The following CFAP58 variants were observed in gnomAD, a reference collection of about 807,000 sequenced individuals.
CFAP58 encodes the protein cilia- and flagella-associated protein 58.
In CFAP58, 88 loss-of-function variants were observed where a neutral mutation model predicts 119.5. The observed-to-expected ratio is 0.74, with a 90% confidence interval of 0.62 to 0.88. The LOEUF (loss-of-function observed/expected upper bound fraction) is 0.88, where lower values mean the gene tolerates loss of function less well. CFAP58 is among the 40% of genes least tolerant of loss of function. The probability of loss-of-function intolerance (pLI) is 0.00; values close to 1 mark genes in which losing one functional copy is unlikely to be tolerated. For missense variants in CFAP58, 990 were observed against 1,021.2 expected, an observed-to-expected ratio of 0.97 and a Z score of 0.42; for synonymous variants, 365 against 366.3, an observed-to-expected ratio of 1.00 and a Z score of 0.04.
At position 104,400,780 on chromosome 10, in the gene CFAP58, A is replaced by G. The variant is rs995458634; in HGVS notation, c.1916A>G (p.Asn639Ser). The change falls in exon 13 of 18, where the codon AAT (asparagine) becomes AGT (serine). Residue 639 changes from asparagine to serine, a missense_variant. Transcript: ENST00000369704. ...EKIKIQQSVL[N>S]KGESQYNQRL... ...ATCAAGATCCAACAGTCTGTGCTGA[A>G]TAAAGGGGAGAGCCAGTACAACCAG... 2.5e-6 allele frequency: 4 copies of G among 1,614,056 alleles called. No homozygotes were observed. Among genetic ancestry groups the G allele is most frequent in the Non-Finnish European group, 2.5e-6 (3 of 1,180,018 alleles).
At position 104,366,117 on chromosome 10, in the gene CFAP58, A is replaced by G. The variant is rs1030706217; in HGVS notation, c.792+109A>G. 4 of 984,166 alleles carry G rather than the reference A, an allele frequency of 4.1e-6. No homozygotes were observed. The African/African-American group carries it at 5.0e-5, about 12-fold the overall frequency. 61.0% of individuals were successfully genotyped at this position (984,166 alleles called of 1,614,324 possible). On this transcript the variant is annotated intron_variant, in intron 5 of 17. Coordinates refer to ENST00000369704, the MANE Select transcript of CFAP58 (RefSeq NM_001008723.2). ...TCTTGGAAAGCAGCAAATTCCCTTC[A>G]CTACTCGTGCTGATGATGTAAAACT...
chr10:104,388,409 T>C (rs1034059844), intron 9 of CFAP58, among the ~76,000 whole-genome samples: 2 of 152,110 alleles, frequency 1.3e-5, no homozygotes, highest in African/African-American at 2.4e-5. Flanking sequence ...TATTATTATA[T>C]CCCCCATTCA....
chr10:104,369,374 A>G (rs2014793607), intron 6 of CFAP58, among the ~76,000 whole-genome samples: 1 of 152,188 alleles, frequency 6.6e-6, no homozygotes, highest in Non-Finnish European at 1.5e-5. Flanking sequence ...GAAATAGGAG[A>G]GGTTTCCAGG....
intron 1 of CFAP58, among the ~76,000 whole-genome samples, chr10:104,357,404 A>C (rs2014556722): frequency 6.6e-6 from 1 of 152,196 alleles, no homozygotes; most frequent in Admixed American, 6.5e-5. Context: ...AGATAAGTGC[A>C]TATTTCAGGT....
chr10:104,403,888 T>C (rs891467031), intron 14 of CFAP58, 48 bp downstream of exon 14: 3 of 1,220,284 alleles, frequency 2.5e-6, no homozygotes, highest in Admixed American at 4.0e-5. Context: ...TCTCCTCCTA[T>C]CCCACGCGAA....
At chr10:104,427,418 A>G (rs1306492143) in intron 15 of CFAP58, among the ~76,000 whole-genome samples, 1 of 151,836 alleles carries the variant, frequency 6.6e-6, no homozygotes, top group African/African-American at 2.4e-5. Flanking sequence ...CAATTTATAA[A>G]TTTTTTTTTC....
chr10:104,396,759 ACCTCAGGTC>A (rs1450224304), intron 11 of CFAP58, among the ~76,000 whole-genome samples: 1 of 152,060 alleles, frequency 6.6e-6, no homozygotes, highest in Non-Finnish European at 1.5e-5. Context: ...AGGTGCAGAA[ACCTCAGGTC>A]CCACCTAGGG....
intron 2 of CFAP58, among the ~76,000 whole-genome samples, chr10:104,360,040 C>T (rs1013620638): frequency 1.3e-5 from 2 of 152,048 alleles, no homozygotes; most frequent in East Asian, 3.8e-4. Context: ...CTATAGTTAC[C>T]CAAGAGTAAT....
intron 9 of CFAP58, among the ~76,000 whole-genome samples, chr10:104,389,855 A>T (rs2011998138): frequency 6.6e-6 from 1 of 152,178 alleles, no homozygotes; most frequent in African/African-American, 2.4e-5. Context: ...AAAGAACTAA[A>T]AAGAAAGATA....
intron 15 of CFAP58, among the ~76,000 whole-genome samples, chr10:104,440,119 G>A (rs1267963391): frequency 2.0e-5 from 3 of 148,052 alleles, no homozygotes; most frequent in Admixed American, 6.6e-5. Flanking sequence ...ACCGCGCCCG[G>A]CCACTGATTT....
chr10:104,345,670 G>A, the CFAP58 span, among the ~76,000 whole-genome samples: 3 of 152,086 alleles, frequency 2.0e-5, no homozygotes, highest in Non-Finnish European at 4.4e-5. Flanking sequence ...GACAGAAGAT[G>A]CTCAGTCTTT....
chr10:104,425,958 G>A lies in CFAP58; in HGVS notation c.2256+19165G>A, dbSNP rs577540013. Among the ~76,000 whole-genome samples the A allele has an allele frequency of 2.0e-5, 3 of 152,224 alleles. 1 individual carries two copies. The highest frequency in any genetic ancestry group is 7.2e-5 in the African/African-American group (3 of 41,532). On this transcript the variant is annotated intron_variant, in intron 15 of 17. Coordinates refer to ENST00000369704, the MANE Select transcript of CFAP58 (RefSeq NM_001008723.2). ...ATCTTAAAAAGACCAACATAGACTG[G>A]GTGCTGGCTCATGCCTATAATCCCA...
At chr10:104,444,516 G>A (rs754877288) in intron 15 of CFAP58, among the ~76,000 whole-genome samples, 1 of 152,198 alleles carries the variant, frequency 6.6e-6, no homozygotes, top group Non-Finnish European at 1.5e-5. Flanking sequence ...TGAAGAGCTT[G>A]GTTGGCCCTT....
chr10:104,340,185 T>C, the CFAP58 span, among the ~76,000 whole-genome samples: 1 of 152,362 alleles, frequency 6.6e-6, no homozygotes, highest in Admixed American at 6.5e-5. Context: ...AAGTCGTTCA[T>C]GAACTGGCCT....
intron 11 of CFAP58, among the ~76,000 whole-genome samples, chr10:104,394,978 G>A (rs1049810523): frequency 1.3e-5 from 2 of 152,148 alleles, no homozygotes; most frequent in African/African-American, 4.8e-5. Flanking sequence ...AATCCATTTG[G>A]TGCATCATCT....
intron 11 of CFAP58, among the ~76,000 whole-genome samples, chr10:104,399,078 C>A (rs144826975): frequency 9.6e-4 from 146 of 152,120 alleles, no homozygotes; most frequent in African/African-American, 3.4e-3. Context: ...ACCAATGAAG[C>A]CCCTGCTACA....
chr10:104,377,034 C>T, intron 8 of CFAP58, 141 bp downstream of exon 8: 1 of 591,562 alleles, frequency 1.7e-6, no homozygotes, highest in Non-Finnish European at 3.0e-6. Flanking sequence ...TAATTTTCCT[C>T]TAAGCAGCTG....
In CFAP58 at chr10:104,403,827, GGAGGAAGCTC is replaced by G; in HGVS notation, c.2143_2151+1del. On this transcript the variant is annotated frameshift_variant, in exon 14 of 18. Coordinates refer to ENST00000369704, the MANE Select transcript of CFAP58 (RefSeq NM_001008723.2). LOFTEE classifies it high-confidence loss of function. Reference sequence around the variant, plus strand: ...GAGAATCCCCTGAATGTGCACAGATGGAGGAAGCTCGAGGTAACATCTGGCAGCGTGTTCT... The same window carrying G: ...GAGAATCCCCTGAATGTGCACAGATGGAGGTAACATCTGGCAGCGTGTTCT... The G allele has an allele frequency of 6.2e-7, 1 of 1,607,496 alleles. No individual in the cohort carries two copies. The highest frequency in any genetic ancestry group is 1.1e-5 in the South Asian group (1 of 89,828).
intron 9 of CFAP58, among the ~76,000 whole-genome samples, chr10:104,384,456 GA>G (rs2011881460): frequency 1.3e-5 from 2 of 152,238 alleles, no homozygotes; most frequent in South Asian, 4.1e-4. Flanking sequence ...AACGAATAAA[GA>G]AAAAAGCAGC....
Sources: gnomAD v4.1 joint callset for allele counts (sites outside exome capture counted in the v4.1 genomes callset) on GRCh38, gnomAD v4.1.1 for gene constraint, MANE v1.5 for transcripts, NCBI Gene and HGNC (gene_info 2026-07-23, HGNC 2026-07-21) for gene names.